The following GNAL variants were observed in gnomAD, a reference collection of about 807,000 sequenced individuals.
GNAL encodes G protein subunit alpha L, also known as guanine nucleotide-binding protein G(olf) subunit alpha.
Under a neutral mutation model 55.1 loss-of-function variants are expected in GNAL, and 18 were observed. The observed-to-expected ratio is 0.33, with a 90% CI of 0.23 to 0.48. The LOEUF (loss-of-function observed/expected upper bound fraction) is 0.48. Among genes scored for constraint, GNAL ranks in the 20% least tolerant of loss-of-function variants. The pLI is 0.99. For missense variants in GNAL, 412 were observed against 614.1 expected, an observed-to-expected ratio of 0.67 and a Z score of 3.48; for synonymous variants, 253 against 237.0, an observed-to-expected ratio of 1.07 and a Z score of -0.62.
At chr18:11,727,520 C>A (rs1195582769) in intron 1 of GNAL, among the ~76,000 whole-genome samples, 4 of 152,222 alleles carry the variant, frequency 2.6e-5, no homozygotes, top group Admixed American at 6.5e-5. Context: ...AGCTTCTGCT[C>A]CCCTCATCTT....
intron 5 of GNAL, among the ~76,000 whole-genome samples, chr18:11,841,728 G>A (rs2035619369): frequency 6.6e-6 from 1 of 152,008 alleles, no homozygotes; most frequent in African/African-American, 2.4e-5. Flanking sequence ...AGCTCTGTGA[G>A]CACCTCTGCT....
intron 1 of GNAL, among the ~76,000 whole-genome samples, chr18:11,697,792 A>C (rs2031456597): frequency 6.6e-6 from 1 of 152,144 alleles, no homozygotes; most frequent in Non-Finnish European, 1.5e-5. Flanking sequence ...AGGCAGTTGG[A>C]GGGAGAAGAG....
intron 4 of GNAL, among the ~76,000 whole-genome samples, chr18:11,781,864 C>A (rs1162374077): frequency 1.3e-5 from 2 of 151,898 alleles, no homozygotes; most frequent in African/African-American, 4.8e-5. Flanking sequence ...TTTAAATAAA[C>A]AAAATAGGTG....
intron 4 of GNAL, among the ~76,000 whole-genome samples, chr18:11,806,091 A>G (rs56208400): frequency 0.012 from 1,816 of 152,212 alleles, 34 homozygotes; most frequent in African/African-American, 0.039. Context: ...CATTTATCTG[A>G]TGATTAGTTA....
chr18:11,702,055 C>T (rs2031585595), intron 1 of GNAL: 1 of 152,186 alleles, frequency 6.6e-6, no homozygotes, highest in Non-Finnish European at 1.5e-5. Flanking sequence ...TGCAGAGCAG[C>T]ATTTGTGTTT....
intron 5 of GNAL, among the ~76,000 whole-genome samples, chr18:11,847,455 A>G (rs569899139): frequency 1.3e-5 from 2 of 151,480 alleles, no homozygotes; most frequent in South Asian, 4.2e-4. Flanking sequence ...CCAGTGAAGT[A>G]AAACTGAATG....
Position 11,864,733 on chromosome 18 carries a change from G to A in GNAL, c.851+127G>A, listed in dbSNP as rs960403843. ...AGCCCTTTCAGGTAAGAGCAGCTGG[G>A]GTGAAATTTGAACTCTAGCAAGAGT... On this transcript the variant is annotated intron_variant, in intron 7 of 11. Transcript: ENST00000334049. 72 of 668,948 alleles carry A rather than the reference G, an allele frequency of 1.1e-4. No individual in the cohort carries two copies. In the African/African-American group the frequency reaches 1.1e-3, roughly 11 times the overall value. 41.4% of individuals were successfully genotyped at this position (668,948 alleles called of 1,614,324 possible).
At chr18:11,695,697 G>C (rs548985476) in intron 1 of GNAL, among the ~76,000 whole-genome samples, 5 of 152,282 alleles carry the variant, frequency 3.3e-5, no homozygotes, top group Admixed American at 1.3e-4. Flanking sequence ...ATCCTCAGCT[G>C]TAGATAGGAT....
intron 1 of GNAL, among the ~76,000 whole-genome samples, chr18:11,703,795 G>GCACACA (rs35455680): frequency 0.038 from 5,411 of 141,428 alleles, 113 homozygotes; most frequent in African/African-American, 0.047. Context: ...GTGTTGATGG[G>GCACACA]CACACACACA....
At position 11,768,569 on chromosome 18, in the gene GNAL, C is replaced by T. The variant is rs191357950; in HGVS notation, c.624+14624C>T. Among the ~76,000 whole-genome samples the T allele has an allele frequency of 4.4e-3, 675 of 151,830 alleles. 6 individuals carry two copies. Among genetic ancestry groups the T allele is most frequent in the African/African-American group, 0.016 (642 of 41,368 alleles). On this transcript the variant is annotated intron_variant, in intron 4 of 11. Coordinates refer to ENST00000334049, the MANE Select transcript of GNAL (RefSeq NM_182978.4). The stretch of plus-strand genomic sequence containing the variant: ...TGAGCTGAGATCACGCCACTGCACT[C>T]CAGCCTGGGCAACAAGAGCGAAACT...
chr18:11,748,408 T>A (rs866618006), intron 1 of GNAL, among the ~76,000 whole-genome samples: 3 of 152,160 alleles, frequency 2.0e-5, no homozygotes, highest in Non-Finnish European at 4.4e-5. Context: ...AAGTAAATTG[T>A]TCCATGGAAA....
intron 5 of GNAL, among the ~76,000 whole-genome samples, chr18:11,846,762 G>T (rs1442692571): frequency 6.6e-6 from 1 of 151,776 alleles, no homozygotes; most frequent in Non-Finnish European, 1.5e-5. Context: ...ATCTTGTTCT[G>T]TCACCCCGAA....
intron 5 of GNAL, among the ~76,000 whole-genome samples, chr18:11,830,282 CTTTTTTTTT>C (rs71172023): frequency 1.0e-5 from 1 of 99,218 alleles, no homozygotes; most frequent in Non-Finnish European, 1.8e-5. Context: ...AGAATTGCAT[CTTTTTTTTT>C]TTTTTTTTTT....
At chr18:11,771,051 C>A (rs2033616451) in intron 4 of GNAL, among the ~76,000 whole-genome samples, 1 of 151,778 alleles carries the variant, frequency 6.6e-6, no homozygotes, top group South Asian at 2.1e-4. Flanking sequence ...CCTGTCTCTA[C>A]TAAAAAAATA....
intron 4 of GNAL, among the ~76,000 whole-genome samples, chr18:11,821,305 T>C (rs2035082903): frequency 6.6e-6 from 1 of 152,210 alleles, no homozygotes; most frequent in African/African-American, 2.4e-5. Flanking sequence ...TGATTTAATA[T>C]ATACATAATA....
At position 11,868,790 on chromosome 18, in the gene GNAL, CA is replaced by C. The variant is rs1161205578; in HGVS notation, c.1031+128del. The C allele has an allele frequency of 1.4e-6, 1 of 692,764 alleles. No individual in the cohort carries two copies. Among genetic ancestry groups the C allele is most frequent in the African/African-American group, 1.9e-5 (1 of 53,818 alleles). 42.9% of individuals were successfully genotyped at this position (692,764 alleles called of 1,614,324 possible). On this transcript the variant is annotated intron_variant, in intron 9 of 11. Transcript: ENST00000334049. The surrounding 1 kb of genome is among the most constrained non-coding windows in gnomAD (Gnocchi z 4.0). ...CACTGGGAGGCCGAGGCAGGTGTGTCACTTGAGCTCAGCAGTTGGAGACTAG... is the reference window on the plus strand; with the variant it reads ...CACTGGGAGGCCGAGGCAGGTGTGTCCTTGAGCTCAGCAGTTGGAGACTAG...
chr18:11,712,742 C>T (rs2031867449), intron 1 of GNAL, among the ~76,000 whole-genome samples: 1 of 152,188 alleles, frequency 6.6e-6, no homozygotes, highest in Admixed American at 6.5e-5. Context: ...TCTCCCTCTA[C>T]AGGAGCAGAG....
intron 5 of GNAL, among the ~76,000 whole-genome samples, chr18:11,839,569 A>T (rs866793153): frequency 6.7e-6 from 1 of 150,286 alleles, no homozygotes; most frequent in African/African-American, 2.4e-5. Context: ...AAAAAAAAAA[A>T]TTTTTTTTCT....
chr18:11,748,942 T>C (rs768942255), intron 1 of GNAL, among the ~76,000 whole-genome samples: 2 of 152,064 alleles, frequency 1.3e-5, no homozygotes, highest in Non-Finnish European at 2.9e-5. Context: ...CTGGCCAACA[T>C]GGTGAAACCC....
Sources: allele counts gnomAD v4.1 joint callset (sites outside exome capture counted in the v4.1 genomes callset), GRCh38; gene constraint gnomAD v4.1.1; non-coding constraint Gnocchi (gnomAD v3.1); transcripts MANE v1.5; gene names NCBI Gene and HGNC (gene_info 2026-07-23, HGNC 2026-07-21).